Variants in JAM3 observed in about 807,000 individuals in gnomAD.
JAM3 encodes junctional adhesion molecule 3, also known as junctional adhesion molecule C.
In JAM3, 31 loss-of-function variants were observed where a neutral mutation model predicts 39.4. The observed-to-expected ratio is 0.79, with a 90% CI of 0.59 to 1.06. The LOEUF (loss-of-function observed/expected upper bound fraction) is 1.06. JAM3 is among the 50% of genes least tolerant of loss of function. JAM3 has a pLI of 0.00. For synonymous variants in JAM3, 182 were observed against 148.7 expected (o/e 1.22, Z -1.63); for missense variants, 455 against 391.4 (o/e 1.16, Z -1.37).
At chr11:134,099,236 A>G (rs1049926793) in intron 1 of JAM3, among the ~76,000 whole-genome samples, 1 of 152,122 alleles carries the variant, frequency 6.6e-6, no homozygotes, top group African/African-American at 2.4e-5. Flanking sequence ...ACCAGGTTGC[A>G]TGGGGGAGGA....
chr11:134,126,985 G>A (rs1040602942), intron 1 of JAM3, among the ~76,000 whole-genome samples: 1 of 152,216 alleles, frequency 6.6e-6, no homozygotes, highest in Non-Finnish European at 1.5e-5. Context: ...TGAGAAATAA[G>A]TGGCTAGATT....
At chr11:134,097,855 T>C (rs1193808622) in intron 1 of JAM3, among the ~76,000 whole-genome samples, 2 of 151,234 alleles carry the variant, frequency 1.3e-5, no homozygotes, top group Non-Finnish European at 2.9e-5. Flanking sequence ...TTTTCTTTTA[T>C]ATATATGTAT....
chr11:134,130,459 G>T (rs1238255978), intron 1 of JAM3, among the ~76,000 whole-genome samples: 1 of 152,130 alleles, frequency 6.6e-6, no homozygotes, highest in African/African-American at 2.4e-5. Flanking sequence ...AAAAAATAGT[G>T]ACAAGGCTAA....
chr11:134,069,286 C>G (rs1331601073), intron 1 of JAM3, 127 bp downstream of exon 1: 1 of 1,323,544 alleles, frequency 7.6e-7, no homozygotes, highest in Admixed American at 2.1e-5. Flanking sequence ...CCCGGGGTCC[C>G]GGGCCGGAGG....
Position 134,149,282 on chromosome 11 carries a change from G to A in JAM3, c.*101G>A. On this transcript the variant is annotated 3_prime_UTR_variant, in exon 9 of 9. Transcript: ENST00000299106. ...GAGCTGATGCACTCGGACAGAGCTA[G>A]ACACTCATTCAGAAGCTTTTCGTTT... 7.1e-7 allele frequency: 1 copy of A among 1,408,082 alleles called. No homozygotes were observed. Among genetic ancestry groups the A allele is most frequent in the Non-Finnish European group, 1.0e-6 (1 of 1,003,520 alleles). The allele number at this position is 1,408,082 out of a possible 1,614,324, so 87.2% of individuals were successfully genotyped here.
At chr11:134,106,259 TTTAA>T (rs1304990236) in intron 1 of JAM3, among the ~76,000 whole-genome samples, 2 of 152,106 alleles carry the variant, frequency 1.3e-5, no homozygotes, top group African/African-American at 4.8e-5. Context: ...GGATTCCCTA[TTTAA>T]TAAATGGTGC....
At chr11:134,091,311 C>T (rs553976978) in intron 1 of JAM3, among the ~76,000 whole-genome samples, 5 of 152,144 alleles carry the variant, frequency 3.3e-5, no homozygotes, top group African/African-American at 1.2e-4. Context: ...CTGGCTAACA[C>T]TGTGAAACCC....
At chr11:134,087,288 G>A (rs1176539239) in intron 1 of JAM3, among the ~76,000 whole-genome samples, 1 of 152,126 alleles carries the variant, frequency 6.6e-6, no homozygotes, top group Non-Finnish European at 1.5e-5. Context: ...GGAAAACACT[G>A]TAAATCAACA....
At chr11:134,143,960 A>C (rs896205080) in intron 3 of JAM3, among the ~76,000 whole-genome samples, 1 of 152,144 alleles carries the variant, frequency 6.6e-6, no homozygotes, top group African/African-American at 2.4e-5. Context: ...CTTCCTGGAA[A>C]TGAGGAGGAG....
intron 1 of JAM3, 64 bp downstream of exon 1, chr11:134,069,223 C>G (rs1941446723): frequency 6.4e-7 from 1 of 1,570,434 alleles, no homozygotes; most frequent in Non-Finnish European, 8.7e-7. Context: ...CAGAGCGGGC[C>G]GAAGCTGCTG....
At chr11:134,144,505 G>A (rs114170939) in intron 4 of JAM3, 112 bp downstream of exon 4, 6 of 1,314,986 alleles carry the variant, frequency 4.6e-6, no homozygotes, top group Non-Finnish European at 6.6e-6. Flanking sequence ...ACATGGCTTA[G>A]GGAGGGGAGA....
intron 1 of JAM3, among the ~76,000 whole-genome samples, chr11:134,134,533 G>A (rs888334667): frequency 2.6e-5 from 4 of 151,764 alleles, no homozygotes; most frequent in African/African-American, 4.8e-5. Context: ...GAATTACATC[G>A]TACAGTATTT....
chr11:134,115,354 T>TTGCGTTTAC (rs1942407140), intron 1 of JAM3, among the ~76,000 whole-genome samples: 1 of 152,198 alleles, frequency 6.6e-6, no homozygotes, highest in African/African-American at 2.4e-5. Context: ...ACTATTTACA[T>TTGCGTTTAC]TGCGTTTACT....
In JAM3 at chr11:134,151,214, A is replaced by C. The variant is rs1180938858; in HGVS notation, c.*2033A>C. 6.6e-6 allele frequency: 1 copy of C among 151,994 alleles called. No homozygotes were observed. Among genetic ancestry groups the C allele is most frequent in the Non-Finnish European group, 1.5e-5 (1 of 68,000 alleles). 9.4% of individuals were successfully genotyped at this position (151,994 alleles called of 1,614,324 possible). On this transcript the variant is annotated 3_prime_UTR_variant, in exon 9 of 9. Coordinates refer to ENST00000299106, the MANE Select transcript of JAM3 (RefSeq NM_032801.5). The stretch of plus-strand genomic sequence containing the variant: ...GCTTTTTTTTAATTGCATACATGAG[A>C]CTGTGTTGACTTTTTTTAGTTATGT...
chr11:134,124,715 A>G (rs1466638036), intron 1 of JAM3, among the ~76,000 whole-genome samples: 2 of 152,168 alleles, frequency 1.3e-5, no homozygotes, highest in Admixed American at 6.5e-5. Context: ...ATATGCTTGC[A>G]ATTAAAAAAA....
chr11:134,125,037 C>A (rs1404895358), intron 1 of JAM3, among the ~76,000 whole-genome samples: 4 of 152,206 alleles, frequency 2.6e-5, no homozygotes, highest in African/African-American at 9.6e-5. Context: ...GGCGGCGGCG[C>A]GTCTCCACGA....
chr11:134,078,924 AGC>A (rs1941618801), intron 1 of JAM3, among the ~76,000 whole-genome samples: 1 of 152,150 alleles, frequency 6.6e-6, no homozygotes, highest in Admixed American at 6.5e-5. Context: ...CTGTAATCCC[AGC>A]TGCTTGGGAG....
Position 134,144,304 on chromosome 11 carries a change from G to A in JAM3, c.320G>A (p.Arg107Gln), listed in dbSNP as rs775555456. Residue 107 changes from arginine (R) to glutamine (Q), a missense_variant, in exon 4 of 9, where the codon CGG becomes CAG. By Grantham distance (43) the Arg-to-Gln change is conservative. Transcript: ENST00000299106. The part of the protein sequence containing the change: ...KTSLKIWNVT[R>Q]RDSALYRCEV... ...TCCCTGAAGATCTGGAATGTGACAC[G>A]GAGAGACTCAGCCCTTTATCGCTGT... 16 of 1,614,038 alleles carry A rather than the reference G, an allele frequency of 9.9e-6. No homozygotes were observed. The highest frequency in any genetic ancestry group is 1.6e-4 in the Middle Eastern group (1 of 6,084).
intron 1 of JAM3, among the ~76,000 whole-genome samples, chr11:134,081,376 A>T (rs980372050): frequency 1.3e-5 from 2 of 152,208 alleles, no homozygotes; most frequent in Admixed American, 1.3e-4. Flanking sequence ...GAGGCCTAGG[A>T]GGAAAAAGTG....
Sources: gnomAD v4.1 joint callset for allele counts (sites outside exome capture counted in the v4.1 genomes callset) on GRCh38, gnomAD v4.1.1 for gene constraint, MANE v1.5 for transcripts, NCBI Gene and HGNC (gene_info 2026-07-23, HGNC 2026-07-21) for gene names.